The following BBS4 variants were observed in gnomAD, a reference collection of about 807,000 sequenced individuals.
BBS4 encodes the protein BBSome complex member BBS4.
BBS4 carries 58 observed loss-of-function variants against 71.4 expected under a neutral mutation model. That is an observed-to-expected ratio of 0.81 (90% CI 0.66 to 1.01). The LOEUF (loss-of-function observed/expected upper bound fraction) is 1.01. Among genes scored for constraint, BBS4 ranks in the 50% least tolerant of loss-of-function variants. BBS4 has a pLI of 0.00. For synonymous variants in BBS4, 228 were observed against 216.8 expected, an observed-to-expected ratio of 1.05 and a Z score of -0.46; for missense variants, 660 against 607.9, an observed-to-expected ratio of 1.09 and a Z score of -0.90.
In BBS4 at chr15:72,695,014, T is replaced by C. The variant is rs369614106; in HGVS notation, c.25-163T>C. On this transcript the variant is annotated intron_variant, in intron 1 of 15. Coordinates refer to ENST00000268057, the MANE Select transcript of BBS4 (RefSeq NM_033028.5). The stretch of plus-strand genomic sequence containing the variant: ...TGGATAGCAAAAGTATGACTTGACA[T>C]TTGTTTTTTAAACCATATTTAAAGT... Among the ~76,000 whole-genome samples the C allele has an allele frequency of 1.1e-4, 17 of 152,330 alleles. No homozygotes were observed. In the East Asian group the frequency reaches 2.7e-3, roughly 24 times the overall value.
chr15:72,714,355 A>T (rs1321801930), intron 4 of BBS4, among the ~76,000 whole-genome samples: 2 of 148,886 alleles, frequency 1.3e-5, no homozygotes, highest in Admixed American at 1.4e-4. Flanking sequence ...CCCCCCTATT[A>T]GCTGGGATTA....
chr15:72,723,993 T>C (rs992329911), intron 7 of BBS4, among the ~76,000 whole-genome samples: 2 of 152,218 alleles, frequency 1.3e-5, no homozygotes, highest in Non-Finnish European at 2.9e-5. Flanking sequence ...CAAAGCCCTT[T>C]TGTTTACTAG....
At position 72,715,403 on chromosome 15, in the gene BBS4, G is replaced by GT. The variant is rs753360929; in HGVS notation, c.332+2dup. The GT allele has an allele frequency of 6.2e-7, 1 of 1,605,502 alleles. No individual in the cohort carries two copies. Among genetic ancestry groups the GT allele is most frequent in the Admixed American group, 1.7e-5 (1 of 60,014 alleles). On this transcript the variant is annotated splice_donor_variant, in intron 5 of 15. Transcript: ENST00000268057. LOFTEE classifies it high-confidence loss of function. ...ACCTCAAGCAGGTGGCCAGATCTTTGTGAGTATTGGCAACCTGGAGGCCCT... is the reference window on the plus strand; with the variant it reads ...ACCTCAAGCAGGTGGCCAGATCTTTGTTGAGTATTGGCAACCTGGAGGCCCT...
chr15:72,712,421 A>G (rs978192721), intron 4 of BBS4, 114 bp downstream of exon 4: 5 of 966,492 alleles, frequency 5.2e-6, no homozygotes, highest in South Asian at 2.7e-5. Flanking sequence ...CCACTTAACA[A>G]TGGAGATATG....
chr15:72,708,460 C>A (rs2065305180), intron 2 of BBS4, among the ~76,000 whole-genome samples: 1 of 152,120 alleles, frequency 6.6e-6, no homozygotes, highest in Non-Finnish European at 1.5e-5. Context: ...TCTTCGTAAG[C>A]TGAGGATGTA....
intron 1 of BBS4, among the ~76,000 whole-genome samples, chr15:72,693,230 C>T (rs556467111): frequency 6.6e-6 from 1 of 152,276 alleles, no homozygotes; most frequent in South Asian, 2.1e-4. Context: ...TTGTTTTATT[C>T]AGTCAGTAGA....
Position 72,712,690 on chromosome 15 carries a change from C to G in BBS4, c.220+383C>G, listed in dbSNP as rs528132776. Among the ~76,000 whole-genome samples, 18 of 152,226 alleles carry G rather than the reference C, an allele frequency of 1.2e-4. No homozygotes were observed. In the South Asian group the frequency reaches 3.1e-3, roughly 26 times the overall value. On this transcript the variant is annotated intron_variant, in intron 4 of 15. Transcript: ENST00000268057. ...AAAAATAGTATACCTGTATAGAGTA[C>G]TTACCATGGATGGACTGGAAGTTGC...
intron 2 of BBS4, among the ~76,000 whole-genome samples, chr15:72,697,327 G>A (rs981282425): frequency 1.3e-5 from 2 of 152,204 alleles, no homozygotes; most frequent in African/African-American, 4.8e-5. Flanking sequence ...TGAATAAAAA[G>A]CTGTCACATT....
Position 72,729,560 on chromosome 15 carries a change from CTT to C in BBS4, c.643-53_643-52del, listed in dbSNP as rs1215172951. 10 of 1,565,090 alleles carry C rather than the reference CTT, an allele frequency of 6.4e-6. No individual in the cohort carries two copies. In the African/African-American group the frequency reaches 1.1e-4, roughly 17 times the overall value. On this transcript the variant is annotated intron_variant, in intron 9 of 15. Coordinates refer to ENST00000268057, the MANE Select transcript of BBS4 (RefSeq NM_033028.5). ...CCACCACGCCTGGTCTGGCCAGACT[CTT>C]TTAACTGCCGTCTCCTTGCTGATGT... is the stretch of plus-strand genomic sequence containing the variant.
At chr15:72,730,853 C>T (rs557868592) in intron 10 of BBS4, among the ~76,000 whole-genome samples, 22 of 152,222 alleles carry the variant, frequency 1.4e-4, no homozygotes, top group African/African-American at 4.3e-4. Flanking sequence ...CTAAAGCTGA[C>T]TCGCCCTCTG....
chr15:72,738,368 CTA>C lies in BBS4; in HGVS notation c.*783_*784del, dbSNP rs778366105. 2.3e-5 allele frequency: 10 copies of C among 441,350 alleles called. No homozygotes were observed. The highest frequency in any genetic ancestry group is 9.7e-5 in the South Asian group (6 of 61,762). The allele number at this position is 441,350 out of a possible 1,614,324, so 27.3% of individuals were successfully genotyped here. On this transcript the variant is annotated 3_prime_UTR_variant, in exon 16 of 16. Coordinates refer to ENST00000268057, the MANE Select transcript of BBS4 (RefSeq NM_033028.5). The stretch of plus-strand genomic sequence containing the variant: ...CCACTGACCAGATGCTATCAATACA[CTA>C]TGTGTCCTTTTTAGAATAAAGATTA...
intron 2 of BBS4, chr15:72,698,176 AAC>A: frequency 3.2e-6 from 1 of 315,026 alleles, no homozygotes; most frequent in Non-Finnish European, 6.6e-6. Flanking sequence ...CTATGTAAAA[AAC>A]CTGATCTCAG....
chr15:72,691,565 T>C (rs1320587481), intron 1 of BBS4, among the ~76,000 whole-genome samples: 3 of 152,190 alleles, frequency 2.0e-5, no homozygotes, highest in African/African-American at 7.2e-5. Flanking sequence ...CTTCAGTTTA[T>C]TCATTATTTC....
chr15:72,735,017 G>A (rs1329281606), intron 12 of BBS4, 96 bp from the exon 13 acceptor site: 3 of 855,042 alleles, frequency 3.5e-6, no homozygotes, highest in Non-Finnish European at 6.0e-6. Flanking sequence ...CTGGTGCCAT[G>A]AGCTGACAGG....
chr15:72,691,581 T>G (rs2064984237), intron 1 of BBS4, among the ~76,000 whole-genome samples: 1 of 152,190 alleles, frequency 6.6e-6, no homozygotes, highest in African/African-American at 2.4e-5. Flanking sequence ...ATTTCAACAC[T>G]GTATAGTATC....
chr15:72,716,847 T>C lies in BBS4; in HGVS notation c.402T>C (p.Asp134=), dbSNP rs1567416229. ...YNEAAKLNQK[D]WEISHNLGVC... ...AAGCAGCTAAACTCAACCAGAAAGA[T>C]TGGGTAAGTAGAGAACTTTCAGTTC... The change falls in exon 6 of 16, where the codon GAT becomes GAC. Residue 134 remains aspartate, a synonymous_variant. Transcript: ENST00000268057. 3.1e-6 allele frequency: 5 copies of C among 1,607,398 alleles called. No individual in the cohort carries two copies. Among genetic ancestry groups the C allele is most frequent in the Admixed American group, 1.7e-5 (1 of 59,584 alleles).
chr15:72,713,314 GACACAC>G (rs36072427), intron 4 of BBS4, among the ~76,000 whole-genome samples: 140 of 143,554 alleles, frequency 9.8e-4, no homozygotes, highest in Middle Eastern at 7.1e-3. Context: ...AGGTCTTTGT[GACACAC>G]ACACACACAC....
intron 3 of BBS4, 133 bp from the exon 4 acceptor site, chr15:72,712,111 C>A: frequency 2.8e-6 from 2 of 726,908 alleles, no homozygotes; most frequent in Non-Finnish European, 4.9e-6. Flanking sequence ...TCATAATCTG[C>A]CTGCCTTGGT....
chr15:72,734,941 C>G (rs563125338), intron 12 of BBS4, 172 bp from the exon 13 acceptor site: 4 of 635,680 alleles, frequency 6.3e-6, no homozygotes, highest in Non-Finnish European at 1.2e-5. Context: ...TAGAACCTGG[C>G]AACTGATTGA....
Sources: gnomAD v4.1 joint callset for allele counts (sites outside exome capture counted in the v4.1 genomes callset) on GRCh38, gnomAD v4.1.1 for gene constraint, MANE v1.5 for transcripts, NCBI Gene and HGNC (gene_info 2026-07-23, HGNC 2026-07-21) for gene names.